Variants in ECPAS observed in about 807,000 individuals in gnomAD.
The protein encoded by ECPAS is Ecm29 proteasome adaptor and scaffold.
A neutral mutation model predicts 255.1 loss-of-function variants in ECPAS; 70 were observed. The ratio of observed to expected loss-of-function variants is 0.27; its 90% CI spans 0.23 to 0.33. The LOEUF is 0.33. Ranked by LOEUF, ECPAS falls within the 10% of genes least tolerant of loss-of-function variation. The pLI is 1.00. For missense variants in ECPAS, 1,817 were observed against 2,206.4 expected, an observed-to-expected ratio of 0.82 and a Z score of 3.54; for synonymous variants, 784 against 775.0, an observed-to-expected ratio of 1.01 and a Z score of -0.19.
rs1474070711 is a variant in ECPAS at position 111,404,622 on chromosome 9, T to G, written c.2652+3949A>C. On this transcript the variant is annotated intron_variant, in intron 24 of 49. Transcript: ENST00000684092. ...AAGACATGCCTGCTTCCTCTTCGCC[T>G]TCTGCCAAGATTGTAAGTTTCCTGA... Among the ~76,000 whole-genome samples, 2 of 149,250 alleles carry G rather than the reference T, an allele frequency of 1.3e-5. 1 individual carries two copies. The highest frequency in any genetic ancestry group is 2.9e-5 in the Non-Finnish European group (2 of 67,952).
chr9:111,439,933 T>A (rs767847097), intron 6 of ECPAS, among the ~76,000 whole-genome samples: 15 of 151,994 alleles, frequency 9.9e-5, no homozygotes, highest in Non-Finnish European at 1.9e-4. Flanking sequence ...GCAAATGATA[T>A]TGCAGCAACA....
At chr9:111,434,896 C>CTTT (rs3031129) in intron 7 of ECPAS, among the ~76,000 whole-genome samples, 26,536 of 91,880 alleles carry the variant, frequency 0.29, 6,346 homozygotes, top group African/African-American at 0.62. Flanking sequence ...CCACATCTGG[C>CTTT]TTTTTTTTTT....
chr9:111,444,795 C>G (rs1041255103), intron 3 of ECPAS, among the ~76,000 whole-genome samples: 2 of 152,146 alleles, frequency 1.3e-5, no homozygotes, highest in African/African-American at 4.8e-5. Context: ...ACTGCAACCT[C>G]CGCCTCCCCG....
rs921726353 is a variant in ECPAS at position 111,397,208 on chromosome 9, C to T, written c.2653-55G>A. 5 of 1,598,718 alleles carry T rather than the reference C, an allele frequency of 3.1e-6. No individual in the cohort carries two copies. In the East Asian group the frequency reaches 1.1e-4, roughly 36 times the overall value. On this transcript the variant is annotated intron_variant, in intron 24 of 49. Coordinates refer to ENST00000684092, the MANE Select transcript of ECPAS (RefSeq NM_001364929.1). ...GAGAAAACACATTTCCCAAAAACATCCATTTCTACAGAAAGCCTGCTTAAA... is the reference window on the plus strand; with the variant it reads ...GAGAAAACACATTTCCCAAAAACATTCATTTCTACAGAAAGCCTGCTTAAA...
At position 111,362,154 on chromosome 9, in the gene ECPAS, T is replaced by A; in HGVS notation, c.5396A>T (p.Glu1799Val). The change falls in exon 50 of 50, where the codon GAA becomes GTA. Residue 1799 changes from glutamate (E) to valine (V), a missense_variant. Coordinates refer to ENST00000684092, the MANE Select transcript of ECPAS (RefSeq NM_001364929.1). ...LKKLEESKQW[E>V]CLTSECRVLL... ...CACTCTGCATTCAGATGTCAAACAT[T>A]CCCACTGTTTAGATTCTGCATGAAA... The A allele has an allele frequency of 6.3e-7, 1 of 1,580,244 alleles. No individual in the cohort carries two copies.
intron 3 of ECPAS, among the ~76,000 whole-genome samples, chr9:111,446,679 G>A (rs1589212665): frequency 1.3e-5 from 2 of 152,106 alleles, no homozygotes. Flanking sequence ...TATCTAATAC[G>A]ATTCTCACAA....
At chr9:111,464,041 A>G (rs1009680172) in intron 2 of ECPAS, among the ~76,000 whole-genome samples, 7 of 152,210 alleles carry the variant, frequency 4.6e-5, no homozygotes, top group Non-Finnish European at 7.3e-5. Flanking sequence ...ATAAATTAAC[A>G]GTGATAGTTG....
intron 18 of ECPAS, 34 bp from the exon 19 acceptor site, chr9:111,414,685 C>T: frequency 6.4e-7 from 1 of 1,571,490 alleles, no homozygotes; most frequent in East Asian, 2.3e-5. Flanking sequence ...ACTGCATAAG[C>T]TTCTCGAAAA....
chr9:111,444,616 G>A (rs1252640810), intron 3 of ECPAS, 122 bp from the exon 4 acceptor site: 7 of 661,102 alleles, frequency 1.1e-5, no homozygotes, highest in South Asian at 2.0e-5. Context: ...TCTTTTAAAG[G>A]GTATAAATTT....
chr9:111,383,420 T>G (rs1589127668), intron 34 of ECPAS, 88 bp from the exon 35 acceptor site: 1 of 1,458,514 alleles, frequency 6.9e-7, no homozygotes, highest in South Asian at 1.3e-5. Flanking sequence ...ACTTCACATA[T>G]CTACAGGGAA....
At chr9:111,444,608 T>C in intron 3 of ECPAS, 114 bp from the exon 4 acceptor site, 1 of 684,630 alleles carries the variant, frequency 1.5e-6, no homozygotes, top group South Asian at 1.9e-5. Flanking sequence ...TACTTTGTTC[T>C]TTTAAAGGGT....
At chr9:111,363,339 C>T (rs2098116232) in intron 49 of ECPAS, among the ~76,000 whole-genome samples, 1 of 151,954 alleles carries the variant, frequency 6.6e-6, no homozygotes, top group South Asian at 2.1e-4. Flanking sequence ...ACGATGAAAA[C>T]AAAAACTTTA....
In ECPAS at chr9:111,484,350, A is replaced by C; in HGVS notation, c.-317T>G. On this transcript the variant is annotated 5_prime_UTR_variant, in exon 1 of 50. Coordinates refer to ENST00000684092, the MANE Select transcript of ECPAS (RefSeq NM_001364929.1). The stretch of plus-strand genomic sequence containing the variant: ...CACGTTGGCTGGGCCCGACCTGGGG[A>C]AACACGCCTGTCCAAAGGAAGAGAC... The C allele has an allele frequency of 1.2e-6, 2 of 1,609,906 alleles. No homozygotes were observed. Among genetic ancestry groups the C allele is most frequent in the Non-Finnish European group, 1.7e-6 (2 of 1,178,798 alleles).
At chr9:111,467,488 G>C (rs1206923242) in intron 2 of ECPAS, among the ~76,000 whole-genome samples, 1 of 152,112 alleles carries the variant, frequency 6.6e-6, no homozygotes, top group African/African-American at 2.4e-5. Context: ...ATTTCTGAGT[G>C]ACAGGTTTCA....
At chr9:111,405,486 G>C (rs1436989730) in intron 24 of ECPAS, among the ~76,000 whole-genome samples, 1 of 149,626 alleles carries the variant, frequency 6.7e-6, no homozygotes, top group Non-Finnish European at 1.5e-5. Flanking sequence ...ATACTGGTCT[G>C]GGCATAGATT....
chr9:111,434,905 T>TTTTTTTTTTTTTTTTTTTC, intron 7 of ECPAS, among the ~76,000 whole-genome samples: 1 of 145,372 alleles, frequency 6.9e-6, no homozygotes, highest in Non-Finnish European at 1.5e-5. Context: ...GCTTTTTTTT[T>TTTTTTTTTTTTTTTTTTTC]TTTTTTTTTT....
chr9:111,430,562 TG>T lies in ECPAS; in HGVS notation c.914del (p.Pro305HisfsTer2). The T allele has an allele frequency of 6.3e-7, 1 of 1,591,952 alleles. No homozygotes were observed. The highest frequency in any genetic ancestry group is 8.6e-7 in the Non-Finnish European group (1 of 1,164,756). On this transcript the variant is annotated frameshift_variant, in exon 9 of 50. Transcript: ENST00000684092. LOFTEE classifies it high-confidence loss of function. ...KMYKVYLGDI[P>X]LKTKEGAVLK... Reference sequence around the variant, plus strand: ...AACAACCTACCTCTTTTGTCTTCAGTGGTATATCTCCAAGGTACACCTTGTA... The same window carrying T: ...AACAACCTACCTCTTTTGTCTTCAGTGTATATCTCCAAGGTACACCTTGTA...
intron 48 of ECPAS, 73 bp from the exon 49 acceptor site, chr9:111,363,732 TGAAA>T (rs2098116896): frequency 2.6e-6 from 2 of 758,966 alleles, no homozygotes; most frequent in Admixed American, 2.8e-5. Context: ...TTTGTGTTGC[TGAAA>T]GAAAGATGTC....
chr9:111,379,585 T>A (rs1016379352), intron 35 of ECPAS, among the ~76,000 whole-genome samples: 1 of 152,206 alleles, frequency 6.6e-6, no homozygotes, highest in African/African-American at 2.4e-5. Context: ...AATCAACTCC[T>A]CCTTTCACAA....
Sources: gnomAD v4.1 joint callset for allele counts (sites outside exome capture counted in the v4.1 genomes callset) on GRCh38, gnomAD v4.1.1 for gene constraint, MANE v1.5 for transcripts, NCBI Gene and HGNC (gene_info 2026-07-23, HGNC 2026-07-21) for gene names.